OAF: variants seen among roughly 807,000 people sequenced by gnomAD.
OAF encodes the protein out at first homolog.
Under a neutral mutation model 22.5 loss-of-function variants are expected in OAF, and 13 were observed. The ratio of observed to expected loss-of-function variants is 0.58; its 90% CI spans 0.38 to 0.92. The LOEUF is 0.92. Ranked by LOEUF, OAF falls within the 40% of genes least tolerant of loss-of-function variation. OAF has a pLI of 0.00. For synonymous variants in OAF, 175 were observed against 170.5 expected (o/e 1.03, Z -0.21); for missense variants, 347 against 381.8 (o/e 0.91, Z 0.76).
intron 1 of OAF, among the ~76,000 whole-genome samples, chr11:120,219,625 C>T (rs1200705273): frequency 1.3e-5 from 2 of 152,170 alleles, no homozygotes; most frequent in African/African-American, 4.8e-5. Context: ...ACAGGTGGAT[C>T]CCAGTCAGAC....
In OAF at chr11:120,211,259, G is replaced by C. The variant is rs903078946; in HGVS notation, c.-21G>C. The C allele has an allele frequency of 4.2e-6, 5 of 1,189,328 alleles. No homozygotes were observed. The highest frequency in any genetic ancestry group is 5.2e-6 in the Non-Finnish European group (5 of 960,076). The allele number at this position is 1,189,328 out of a possible 1,614,324, so 73.7% of individuals were successfully genotyped here. On this transcript the variant is annotated 5_prime_UTR_variant, in exon 1 of 4. Coordinates refer to ENST00000328965, the MANE Select transcript of OAF (RefSeq NM_178507.4). ...CCCCCACGCGGCGCGCCGGGGCCGC[G>C]GACGGCAGCGGCCCCCGGGGATGCG...
intron 1 of OAF, among the ~76,000 whole-genome samples, chr11:120,221,050 T>G (rs963332094): frequency 1.3e-5 from 2 of 152,130 alleles, no homozygotes; most frequent in African/African-American, 4.8e-5. Context: ...GTGCGAAGTC[T>G]TCCCTCCCTC....
At position 120,218,986 on chromosome 11, in the gene OAF, C is replaced by CGT. The variant is rs36066701; in HGVS notation, c.232-6660_232-6659dup. On this transcript the variant is annotated intron_variant, in intron 1 of 3. Coordinates refer to ENST00000328965, the MANE Select transcript of OAF (RefSeq NM_178507.4). ...GTGCCTGCACATGCACGCATGTACA[C>CGT]GTGTGTGTGTGTGTGTACACACGTT... 9.7e-3 allele frequency among the ~76,000 whole-genome samples: 1,468 copies of CGT among 151,350 alleles called. 25 individuals carry two copies. The highest frequency in any genetic ancestry group is 0.032 in the African/African-American group (1,329 of 41,328).
Position 120,229,274 on chromosome 11 carries a change from T to C in OAF, c.*132T>C, listed in dbSNP as rs865883645. ...CCCCTGGCCCTAGAGCCTGGGCCCC[T>C]CTGGCCCCATCTCACATGACTGTGA... On this transcript the variant is annotated 3_prime_UTR_variant, in exon 4 of 4. Transcript: ENST00000328965. The C allele has an allele frequency of 2.5e-5, 20 of 793,008 alleles. No homozygotes were observed. The highest frequency in any genetic ancestry group is 8.9e-5 in the South Asian group (5 of 56,266). 49.1% of individuals were successfully genotyped at this position (793,008 alleles called of 1,614,324 possible). A position where few individuals can be genotyped will look rare whatever the true frequency, so the allele number is the denominator to read the frequency against.
chr11:120,222,960 G>A (rs1938301507), intron 1 of OAF, among the ~76,000 whole-genome samples: 1 of 152,188 alleles, frequency 6.6e-6, no homozygotes. Flanking sequence ...GGCAGGGCAG[G>A]CAGGCGGGTT....
chr11:120,211,799 T>G lies in OAF; in HGVS notation c.231+289T>G, dbSNP rs113299831. The stretch of plus-strand genomic sequence containing the variant: ...TCCTACTAACGACTGGACTCCCTTC[T>G]TGGAGTCATTCCCCTGTGCTCTAGT... On this transcript the variant is annotated intron_variant, in intron 1 of 3. Coordinates refer to ENST00000328965, the MANE Select transcript of OAF (RefSeq NM_178507.4). Among the ~76,000 whole-genome samples, 786 of 152,276 alleles carry G rather than the reference T, an allele frequency of 5.2e-3. 7 individuals are homozygous for G. Among genetic ancestry groups the G allele is most frequent in the African/African-American group, 0.018 (740 of 41,558 alleles).
chr11:120,214,362 C>T (rs1032254368), intron 1 of OAF, among the ~76,000 whole-genome samples: 4 of 152,222 alleles, frequency 2.6e-5, no homozygotes, highest in African/African-American at 9.6e-5. Flanking sequence ...GAGCTGTTAG[C>T]TTTGCAATTG....
intron 1 of OAF, among the ~76,000 whole-genome samples, chr11:120,220,289 G>A (rs752754277): frequency 1.9e-4 from 29 of 152,098 alleles, no homozygotes; most frequent in Non-Finnish European, 2.1e-4. Context: ...CAGACCCTGC[G>A]TCCTGCTTGT....
At chr11:120,213,105 A>G (rs114036261) in intron 1 of OAF, among the ~76,000 whole-genome samples, 3,447 of 152,040 alleles carry the variant, frequency 0.023, 128 homozygotes, top group African/African-American at 0.074. Context: ...CTGCACTAGA[A>G]TCCTGCAGAG....
At chr11:120,228,825 T>TAACCAGCC in intron 3 of OAF, 43 bp from the exon 4 acceptor site, 1 of 434,174 alleles carries the variant, frequency 2.3e-6, no homozygotes, top group Non-Finnish European at 4.7e-6. Flanking sequence ...GCTCCTTCCC[T>TAACCAGCC]CCCTCCCTCC....
chr11:120,228,821 T>TCCCAA, intron 3 of OAF, 47 bp from the exon 4 acceptor site: 1 of 520,280 alleles, frequency 1.9e-6, no homozygotes, highest in Non-Finnish European at 3.6e-6. Flanking sequence ...GGGAGCTCCT[T>TCCCAA]CCCTCCCTCC....
At position 120,229,256 on chromosome 11, in the gene OAF, C is replaced by A; in HGVS notation, c.*114C>A. On this transcript the variant is annotated 3_prime_UTR_variant, in exon 4 of 4. Transcript: ENST00000328965. ...TTTCCCTCCCTCCCCACTCCCCTGG[C>A]CCTAGAGCCTGGGCCCCTCTGGCCC... is the stretch of plus-strand genomic sequence containing the variant. 1 of 974,448 alleles carries A rather than the reference C, an allele frequency of 1.0e-6. No homozygotes were observed. Among genetic ancestry groups the A allele is most frequent in the Non-Finnish European group, 1.5e-6 (1 of 656,912 alleles). 60.4% of individuals were successfully genotyped at this position (974,448 alleles called of 1,614,324 possible). A position where few individuals can be genotyped will look rare whatever the true frequency, so the allele number is the denominator to read the frequency against.
At chr11:120,226,649 G>A (rs1156243400) in intron 2 of OAF, among the ~76,000 whole-genome samples, 167 bp from the exon 3 acceptor site, 1 of 152,228 alleles carries the variant, frequency 6.6e-6, no homozygotes, top group Non-Finnish European at 1.5e-5. Context: ...CTGTACTCTA[G>A]GCATCAGCTT....
chr11:120,213,826 G>A (rs1200937615), intron 1 of OAF: 1 of 152,196 alleles, frequency 6.6e-6, no homozygotes. Flanking sequence ...GTAATCCCAG[G>A]ATTTGGGGAG....
chr11:120,217,995 G>A (rs1286638777), intron 1 of OAF, among the ~76,000 whole-genome samples: 2 of 152,234 alleles, frequency 1.3e-5, no homozygotes, highest in Middle Eastern at 3.2e-3. Context: ...GAGTGCGGGT[G>A]AGAGGGAAGC....
chr11:120,217,443 GT>G (rs200333983), intron 1 of OAF: 6,624 of 152,334 alleles, frequency 0.043, 228 homozygotes, highest in Admixed American at 0.11. Context: ...GCCAGGCATG[GT>G]GGTGTGTGCC....
intron 1 of OAF, among the ~76,000 whole-genome samples, chr11:120,220,810 C>T (rs1938271947): frequency 6.6e-6 from 1 of 152,196 alleles, no homozygotes; most frequent in African/African-American, 2.4e-5. Flanking sequence ...ATGGGAAGTG[C>T]AACAGTTGCT....
chr11:120,220,169 A>G (rs1163091361), intron 1 of OAF, among the ~76,000 whole-genome samples: 4 of 152,160 alleles, frequency 2.6e-5, no homozygotes, highest in African/African-American at 9.7e-5. Flanking sequence ...AACCTCAGGC[A>G]GAGTCTGATT....
At chr11:120,228,055 T>A (rs1938385943) in intron 3 of OAF, among the ~76,000 whole-genome samples, 1 of 150,764 alleles carries the variant, frequency 6.6e-6, no homozygotes, top group Admixed American at 6.6e-5. Context: ...TGTGCTTTGC[T>A]GGCCCTTCTC....
Sources: allele counts gnomAD v4.1 joint callset (sites outside exome capture counted in the v4.1 genomes callset), GRCh38; gene constraint gnomAD v4.1.1; transcripts MANE v1.5; gene names NCBI Gene and HGNC (gene_info 2026-07-23, HGNC 2026-07-21).